The following NSD3 variants were observed in gnomAD, a reference collection of about 807,000 sequenced individuals.
The protein encoded by NSD3 is nuclear receptor binding SET domain protein 3, also known as histone-lysine N-methyltransferase NSD3.
Under a neutral mutation model 160.8 loss-of-function variants are expected in NSD3, and 24 were observed. The ratio of observed to expected loss-of-function variants is 0.15; its 90% CI spans 0.11 to 0.21. The LOEUF is 0.21. Ranked by LOEUF, NSD3 falls within the 10% of genes least tolerant of loss-of-function variation. The pLI is 1.00. For missense variants in NSD3, 1,157 were observed against 1,735.9 expected (o/e 0.67, Z 5.93); for synonymous variants, 520 against 600.0 (o/e 0.87, Z 1.95).
At position 38,288,020 on chromosome 8, in the gene NSD3, G is replaced by A. The variant is rs921045147; in HGVS notation, c.3501+467C>T. Among the ~76,000 whole-genome samples the A allele has an allele frequency of 2.0e-5, 3 of 151,944 alleles. No individual in the cohort carries two copies. Among genetic ancestry groups the A allele is most frequent in the African/African-American group, 7.3e-5 (3 of 41,372 alleles). ...AGGCCAAGGCAGGAGAATTGCTTGAGTCCAGGAGTTTGAGACCAGCCTGGG... is the reference window on the plus strand; with the variant it reads ...AGGCCAAGGCAGGAGAATTGCTTGAATCCAGGAGTTTGAGACCAGCCTGGG... On this transcript the variant is annotated intron_variant, in intron 19 of 23. Transcript: ENST00000317025. The surrounding 1 kb of genome is among the most constrained non-coding windows in gnomAD (Gnocchi z 4.5).
Position 38,334,034 on chromosome 8 carries a change from T to G in NSD3, c.911-2449A>C, listed in dbSNP as rs138571365. ...CCATGTATACATGCAGTATATGTGC[T>G]ATTAAAAAAGTAATGATCAGCATAA... On this transcript the variant is annotated intron_variant, in intron 4 of 23. Transcript: ENST00000317025. Among the ~76,000 whole-genome samples, 560 of 152,368 alleles carry G rather than the reference T, an allele frequency of 3.7e-3. 1 individual carries two copies. The highest frequency in any genetic ancestry group is 0.013 in the African/African-American group (547 of 41,590).
In NSD3 at chr8:38,316,337, G is replaced by T; in HGVS notation, c.1856-295C>A. On this transcript the variant is annotated intron_variant, in intron 9 of 23. Coordinates refer to ENST00000317025, the MANE Select transcript of NSD3 (RefSeq NM_023034.2). This position sits in a 1 kb window ranked among gnomAD's most constrained non-coding sequence, Gnocchi z 4.5. Reference sequence around the variant, plus strand: ...CCTAAAAATCAATTCTATGAAAATTGCAGGATAGCTGATGGATTTGGAGCA... The same window carrying T: ...CCTAAAAATCAATTCTATGAAAATTTCAGGATAGCTGATGGATTTGGAGCA... 1.9e-6 allele frequency: 2 copies of T among 1,077,568 alleles called. No homozygotes were observed. Among genetic ancestry groups the T allele is most frequent in the South Asian group, 3.3e-5 (1 of 30,486 alleles). 66.8% of individuals were successfully genotyped at this position (1,077,568 alleles called of 1,614,324 possible). A position where few individuals can be genotyped will look rare whatever the true frequency, so the allele number is the denominator to read the frequency against.
At chr8:38,333,066 T>C (rs1435289170) in intron 4 of NSD3, among the ~76,000 whole-genome samples, 1 of 152,108 alleles carries the variant, frequency 6.6e-6, no homozygotes, top group Admixed American at 6.5e-5. Context: ...AATAGAAATA[T>C]AACCTAAACT....
At chr8:38,291,194 T>G (rs1039826530) in intron 16 of NSD3, among the ~76,000 whole-genome samples, 6 of 152,216 alleles carry the variant, frequency 3.9e-5, no homozygotes, top group African/African-American at 1.4e-4. Context: ...AGGTTTTATA[T>G]CACTTTGTAT....
intron 14 of NSD3, among the ~76,000 whole-genome samples, chr8:38,300,254 T>G (rs1314315115): frequency 6.6e-6 from 1 of 152,198 alleles, no homozygotes; most frequent in Non-Finnish European, 1.5e-5. Context: ...TTTGAATTTC[T>G]GGGCTCTAGC....
At chr8:38,302,517 T>A (rs567720523) in intron 14 of NSD3, among the ~76,000 whole-genome samples, 1 of 152,348 alleles carries the variant, frequency 6.6e-6, no homozygotes, top group East Asian at 1.9e-4. Flanking sequence ...TAAATATTCC[T>A]GGATAACCGT....
At chr8:38,304,199 T>C (rs1369640285) in intron 14 of NSD3, among the ~76,000 whole-genome samples, 2 of 152,178 alleles carry the variant, frequency 1.3e-5, no homozygotes, top group Non-Finnish European at 2.9e-5. Context: ...CCAAGTGAAA[T>C]CTCAATCAGT....
At chr8:38,285,972 G>C (rs1208967805) in intron 19 of NSD3, among the ~76,000 whole-genome samples, 3 of 152,144 alleles carry the variant, frequency 2.0e-5, no homozygotes, top group Non-Finnish European at 4.4e-5. Flanking sequence ...CACAGCCACA[G>C]TTATCCTTTC....
chr8:38,342,775 G>T (rs1225895293), intron 2 of NSD3, among the ~76,000 whole-genome samples: 2 of 151,936 alleles, frequency 1.3e-5, no homozygotes, highest in African/African-American at 2.4e-5. Context: ...TGGCCAGGAG[G>T]TCTCGATCTC....
chr8:38,319,158 G>GCGA lies in NSD3; in HGVS notation c.1810-219_1810-218insTCG. The GCGA allele has an allele frequency of 2.0e-6, 1 of 507,640 alleles. No homozygotes were observed. Among genetic ancestry groups the GCGA allele is most frequent in the Non-Finnish European group, 3.5e-6 (1 of 284,836 alleles). The allele number at this position is 507,640 out of a possible 1,614,324, so 31.4% of individuals were successfully genotyped here. On this transcript the variant is annotated intron_variant, in intron 8 of 23. Transcript: ENST00000317025. The surrounding 1 kb of genome is among the most constrained non-coding windows in gnomAD (Gnocchi z 4.1). ...GCTGAATATCAAGTGACAACACACA[G>GCGA]CCACATGCTCTCTAGCAAAGACTTT...
chr8:38,355,655 G>A (rs967903050), intron 1 of NSD3, among the ~76,000 whole-genome samples: 1 of 152,068 alleles, frequency 6.6e-6, no homozygotes, highest in African/African-American at 2.4e-5. Flanking sequence ...TTCACACATT[G>A]CTTTTCAAAT....
intron 2 of NSD3, among the ~76,000 whole-genome samples, chr8:38,344,958 G>A (rs564376373): frequency 1.3e-5 from 2 of 152,234 alleles, no homozygotes; most frequent in South Asian, 4.1e-4. Context: ...TGTTGTTCAA[G>A]TTAAGGAAAT....
At chr8:38,341,582 G>A (rs891356478) in intron 2 of NSD3, among the ~76,000 whole-genome samples, 5 of 151,474 alleles carry the variant, frequency 3.3e-5, no homozygotes, top group Non-Finnish European at 7.4e-5. Flanking sequence ...ATCAAAGGAC[G>A]AAGAATTAGC....
intron 21 of NSD3, among the ~76,000 whole-genome samples, chr8:38,279,132 A>G (rs1260748220): frequency 1.3e-5 from 2 of 152,254 alleles, no homozygotes; most frequent in African/African-American, 4.8e-5. Context: ...AACAACAACA[A>G]AAGATCCCAG....
chr8:38,318,785 A>C lies in NSD3; in HGVS notation c.1855+110T>G. On this transcript the variant is annotated intron_variant, in intron 9 of 23. Coordinates refer to ENST00000317025, the MANE Select transcript of NSD3 (RefSeq NM_023034.2). The surrounding 1 kb of genome is among the most constrained non-coding windows in gnomAD (Gnocchi z 5.3). Reference sequence around the variant, plus strand: ...TGGGGAATACTGCAATTTCACACTGAAGAGCAACAACGATTTACAGAGACA... The same window carrying C: ...TGGGGAATACTGCAATTTCACACTGCAGAGCAACAACGATTTACAGAGACA... 1 of 1,042,648 alleles carries C rather than the reference A, an allele frequency of 9.6e-7. No individual in the cohort carries two copies. The highest frequency in any genetic ancestry group is 1.5e-6 in the Non-Finnish European group (1 of 679,658). 64.6% of individuals were successfully genotyped at this position (1,042,648 alleles called of 1,614,324 possible). A position where few individuals can be genotyped will look rare whatever the true frequency, so the allele number is the denominator to read the frequency against.
chr8:38,331,827 T>TCAAAA lies in NSD3; in HGVS notation c.911-247_911-243dup, dbSNP rs150155803. On this transcript the variant is annotated intron_variant, in intron 4 of 23. Coordinates refer to ENST00000317025, the MANE Select transcript of NSD3 (RefSeq NM_023034.2). ...TGGGTGACAGAGCAAGACTCTTGTC[T>TCAAAA]CAAAACAAAACAAAACAAAACAAAA... 7.0e-3 allele frequency among the ~76,000 whole-genome samples: 1,063 copies of TCAAAA among 152,196 alleles called. 6 individuals are homozygous for TCAAAA. The highest frequency in any genetic ancestry group is 0.02 in the African/African-American group (833 of 41,534).
chr8:38,290,508 C>T lies in NSD3; in HGVS notation c.3085G>A (p.Gly1029Arg), dbSNP rs1247031930. Residue 1029 changes from glycine to arginine, a missense_variant, in exon 17 of 24, where the codon GGG becomes AGG. This residue lies in a region of NSD3 where 437 missense variants were observed against 576.6 expected (regional missense o/e 0.76). Coordinates refer to ENST00000317025, the MANE Select transcript of NSD3 (RefSeq NM_023034.2). Reference sequence around the variant, plus strand: ...AAGGTCTTGTTAATACTAGTCTGCCCTTCAGCAAAGCTTTTGTCTCCTTCA... The same window carrying T: ...AAGGTCTTGTTAATACTAGTCTGCCTTTCAGCAAAGCTTTTGTCTCCTTCA... ...YVEGDKSFAEGQTSINKTFKK... is the reference protein window; with the variant it reads ...YVEGDKSFAERQTSINKTFKK... 6 of 1,614,116 alleles carry T rather than the reference C, an allele frequency of 3.7e-6. No homozygotes were observed. The highest frequency in any genetic ancestry group is 3.3e-5 in the South Asian group (3 of 91,078).
intron 22 of NSD3, among the ~76,000 whole-genome samples, chr8:38,277,416 T>G (rs948932504): frequency 1.3e-5 from 2 of 152,200 alleles, no homozygotes; most frequent in African/African-American, 4.8e-5. Context: ...TAGCTGAGAT[T>G]ACAGGTGCGT....
chr8:38,283,975 T>C (rs1213988601), intron 19 of NSD3, among the ~76,000 whole-genome samples: 1 of 152,034 alleles, frequency 6.6e-6, no homozygotes, highest in East Asian at 1.9e-4. Flanking sequence ...TGGTGGTGCA[T>C]GGCTGTGGTC....
Sources: gnomAD v4.1 joint callset for allele counts (sites outside exome capture counted in the v4.1 genomes callset) on GRCh38, gnomAD v4.1.1 for gene constraint, gnomAD v4.1.1 regional missense constraint, Gnocchi (gnomAD v3.1) non-coding constraint, MANE v1.5 for transcripts, NCBI Gene and HGNC (gene_info 2026-07-23, HGNC 2026-07-21) for gene names.